The following WSCD2 variants were observed in gnomAD, a reference collection of about 807,000 sequenced individuals.
WSCD2 encodes the protein sialate:O-sulfotransferase 2.
In WSCD2, 28 loss-of-function variants were observed where a neutral mutation model predicts 55.7. The observed-to-expected ratio is 0.50, with a 90% CI of 0.37 to 0.69. The LOEUF (loss-of-function observed/expected upper bound fraction) is 0.69. Ranked by LOEUF, WSCD2 falls within the 30% of genes least tolerant of loss-of-function variation. WSCD2 has a pLI of 0.00. For missense variants in WSCD2, 616 were observed against 762.1 expected (o/e 0.81, Z 2.26); for synonymous variants, 301 against 301.9 (o/e 1.00, Z 0.03).
At chr12:108,195,079 C>T (rs956066788) in intron 1 of WSCD2, among the ~76,000 whole-genome samples, 3 of 152,158 alleles carry the variant, frequency 2.0e-5, no homozygotes, top group Non-Finnish European at 4.4e-5. Context: ...CCTAAATTCC[C>T]AGTTTGGTGT....
chr12:108,236,861 C>T (rs994643701), intron 7 of WSCD2, among the ~76,000 whole-genome samples: 2 of 152,192 alleles, frequency 1.3e-5, no homozygotes, highest in African/African-American at 2.4e-5. Context: ...CATCCCCCCT[C>T]TCCCTGCCTC....
At chr12:108,146,806 A>T (rs1010110983) in intron 1 of WSCD2, among the ~76,000 whole-genome samples, 1 of 152,190 alleles carries the variant, frequency 6.6e-6, no homozygotes, top group African/African-American at 2.4e-5. Context: ...TAGAGAGCAG[A>T]GACGCTGTGA....
At chr12:108,190,332 A>C (rs1386213297) in intron 1 of WSCD2, among the ~76,000 whole-genome samples, 1 of 150,214 alleles carries the variant, frequency 6.7e-6, no homozygotes, top group Admixed American at 6.6e-5. Context: ...ACCTTCATGA[A>C]CCTGATTTCT....
chr12:108,153,181 T>A (rs1878192079), intron 1 of WSCD2, among the ~76,000 whole-genome samples: 2 of 152,180 alleles, frequency 1.3e-5, no homozygotes, highest in African/African-American at 4.8e-5. Context: ...ATTAAAGAAG[T>A]TAACACAGAA....
rs9739060 is a variant in WSCD2, at chr12:108,211,652, C to T, written c.682+1347C>T. ...TCCCATATATATATATATATATATACATATATATATATATTTTTTGAGACA... is the reference window on the plus strand; with the variant it reads ...TCCCATATATATATATATATATATATATATATATATATATTTTTTGAGACA... On this transcript the variant is annotated intron_variant, in intron 4 of 8. Transcript: ENST00000547525. Among the ~76,000 whole-genome samples the T allele has an allele frequency of 1.7e-3, 178 of 107,672 alleles. 1 individual carries two copies. The highest frequency in any genetic ancestry group is 2.7e-3 in the South Asian group (9 of 3,336). 70.6% of individuals were successfully genotyped at this position (107,672 alleles called of 152,430 possible).
intron 1 of WSCD2, among the ~76,000 whole-genome samples, chr12:108,133,634 C>T (rs1333395528): frequency 2.0e-5 from 3 of 152,172 alleles, no homozygotes; most frequent in African/African-American, 4.8e-5. Context: ...GTGCACCTTC[C>T]GAGTGTTGAT....
At chr12:108,212,571 G>A (rs530534843) in intron 4 of WSCD2, among the ~76,000 whole-genome samples, 2 of 128,306 alleles carry the variant, frequency 1.6e-5, no homozygotes, top group Non-Finnish European at 3.2e-5. Flanking sequence ...TCTCTCTTCC[G>A]CTGTCTCTCC....
At chr12:108,208,847 G>A (rs145329260) in intron 3 of WSCD2, among the ~76,000 whole-genome samples, 1 of 152,204 alleles carries the variant, frequency 6.6e-6, no homozygotes, top group Non-Finnish European at 1.5e-5. Context: ...CCAGGGATAG[G>A]TGGGCAAGAC....
intron 4 of WSCD2, among the ~76,000 whole-genome samples, chr12:108,218,624 C>T (rs11113775): frequency 0.15 from 22,152 of 152,166 alleles, 1,710 homozygotes; most frequent in Middle Eastern, 0.17. Flanking sequence ...CTGAGTGATG[C>T]CCCAGTGCCT....
intron 2 of WSCD2, among the ~76,000 whole-genome samples, chr12:108,206,065 C>T (rs1885322603): frequency 6.6e-6 from 1 of 152,174 alleles, no homozygotes; most frequent in Admixed American, 6.5e-5. Context: ...GGCTTGGCTG[C>T]AGCCCACAGA....
Position 108,248,731 on chromosome 12 carries a change from CA to C in WSCD2, c.*389del. On this transcript the variant is annotated 3_prime_UTR_variant, in exon 9 of 9. Coordinates refer to ENST00000547525, the MANE Select transcript of WSCD2 (RefSeq NM_014653.4). The surrounding 1 kb of genome is among the most constrained non-coding windows in gnomAD (Gnocchi z 4.3). The stretch of plus-strand genomic sequence containing the variant: ...TGTCAAGGCTCTTGATGCAAGAGCC[CA>C]GGGGGCTATTGTAAAAACTTGGCCC... 9.9e-7 allele frequency: 1 copy of C among 1,008,004 alleles called. No individual in the cohort carries two copies. Among genetic ancestry groups the C allele is most frequent in the Non-Finnish European group, 1.2e-6 (1 of 842,480 alleles). 62.4% of individuals were successfully genotyped at this position (1,008,004 alleles called of 1,614,324 possible). A position where few individuals can be genotyped will look rare whatever the true frequency, so the allele number is the denominator to read the frequency against.
intron 4 of WSCD2, among the ~76,000 whole-genome samples, chr12:108,218,551 G>A (rs1887110949): frequency 6.6e-6 from 1 of 152,228 alleles, no homozygotes; most frequent in Non-Finnish European, 1.5e-5. Flanking sequence ...GGGGGCAGGG[G>A]AGAGGGCACA....
chr12:108,185,508 C>T (rs1171404179), intron 1 of WSCD2, among the ~76,000 whole-genome samples: 1 of 152,194 alleles, frequency 6.6e-6, no homozygotes, highest in Non-Finnish European at 1.5e-5. Context: ...CCCTACCACA[C>T]ACAGCTTCCT....
At chr12:108,242,198 G>A (rs753943474) in intron 8 of WSCD2, among the ~76,000 whole-genome samples, 8 of 152,168 alleles carry the variant, frequency 5.3e-5, no homozygotes, top group South Asian at 2.1e-4. Flanking sequence ...CACTGACTTC[G>A]TTGATTAAAA....
intron 1 of WSCD2, among the ~76,000 whole-genome samples, chr12:108,154,933 A>G (rs1230024144): frequency 6.6e-6 from 1 of 152,188 alleles, no homozygotes; most frequent in Non-Finnish European, 1.5e-5. Context: ...CATTTTAAGA[A>G]GAGTTTATCT....
chr12:108,210,132 A>G lies in WSCD2; in HGVS notation c.509A>G (p.Tyr170Cys). 6.2e-7 allele frequency: 1 copy of G among 1,614,092 alleles called. No individual in the cohort carries two copies. Among genetic ancestry groups the G allele is most frequent in the Non-Finnish European group, 8.5e-7 (1 of 1,180,006 alleles). Reference sequence around the variant, plus strand: ...GCAGCCTCCCCCAGGGGTTACCTGTATGGCGGGCTGGAGTTCGGCGCCGAG... The same window carrying G: ...GCAGCCTCCCCCAGGGGTTACCTGTGTGGCGGGCTGGAGTTCGGCGCCGAG... Reference protein sequence around the residue: ...QDNCAERGYLYGGLEFGAECY... With the variant: ...QDNCAERGYLCGGLEFGAECY... The change falls in exon 4 of 9, where the codon TAT (tyrosine) becomes TGT (cysteine). Residue 170 changes from tyrosine to cysteine, a missense_variant. Transcript: ENST00000547525. The surrounding 1 kb of genome is among the most constrained non-coding windows in gnomAD (Gnocchi z 4.3).
chr12:108,185,901 T>C (rs1205590989), intron 1 of WSCD2, among the ~76,000 whole-genome samples: 5 of 152,206 alleles, frequency 3.3e-5, no homozygotes, highest in Non-Finnish European at 5.9e-5. Flanking sequence ...GGCTTAATGA[T>C]AGGGATTTAG....
At chr12:108,233,474 G>T (rs1320320366) in intron 7 of WSCD2, among the ~76,000 whole-genome samples, 2 of 152,240 alleles carry the variant, frequency 1.3e-5, no homozygotes, top group Non-Finnish European at 2.9e-5. Context: ...TGTGTGTGAG[G>T]CACCTCATGT....
At chr12:108,247,438 C>T (rs1313153286) in intron 8 of WSCD2, among the ~76,000 whole-genome samples, 5 of 152,032 alleles carry the variant, frequency 3.3e-5, no homozygotes, top group African/African-American at 1.2e-4. Context: ...AAACAAGTAA[C>T]ATTGTTATCC....
Sources: gnomAD v4.1 joint callset for allele counts (sites outside exome capture counted in the v4.1 genomes callset) on GRCh38, gnomAD v4.1.1 for gene constraint, Gnocchi (gnomAD v3.1) non-coding constraint, MANE v1.5 for transcripts, NCBI Gene and HGNC (gene_info 2026-07-23, HGNC 2026-07-21) for gene names.